WWC1: variants seen among roughly 807,000 people sequenced by gnomAD.
The protein encoded by WWC1 is protein KIBRA.
In WWC1, 55 loss-of-function variants were observed where a neutral mutation model predicts 138.4. The ratio of observed to expected loss-of-function variants is 0.40; its 90% CI spans 0.32 to 0.50. WWC1 has a LOEUF of 0.50. Ranked by LOEUF, WWC1 falls within the 20% of genes least tolerant of loss-of-function variation. The pLI, the probability that WWC1 is intolerant of heterozygous loss-of-function variation, is 0.72. For synonymous variants in WWC1, 524 were observed against 564.9 expected, an observed-to-expected ratio of 0.93 and a Z score of 1.03; for missense variants, 1,226 against 1,420.4, an observed-to-expected ratio of 0.86 and a Z score of 2.20.
intron 17 of WWC1, among the ~76,000 whole-genome samples, chr5:168,445,843 C>A (rs1024977833): frequency 2.0e-5 from 3 of 152,010 alleles, no homozygotes; most frequent in Admixed American, 1.3e-4. Flanking sequence ...ACCGAGGCTG[C>A]TTTATAGCCC....
chr5:168,419,569 G>A (rs575326383), intron 9 of WWC1, among the ~76,000 whole-genome samples: 3 of 152,212 alleles, frequency 2.0e-5, no homozygotes, highest in African/African-American at 7.2e-5. Context: ...CCTACCCCTG[G>A]GCTTTTTGAT....
chr5:168,391,530 G>A (rs1425955901), intron 3 of WWC1, among the ~76,000 whole-genome samples: 1 of 151,456 alleles, frequency 6.6e-6, no homozygotes, highest in Admixed American at 6.6e-5. Context: ...GTGGTGGTGG[G>A]TGCCTGTAGT....
chr5:168,371,248 A>G (rs1460598371), intron 1 of WWC1, among the ~76,000 whole-genome samples, 176 bp from the exon 2 acceptor site: 1 of 152,220 alleles, frequency 6.6e-6, no homozygotes, highest in Non-Finnish European at 1.5e-5. Flanking sequence ...CTGCTGCTGC[A>G]GCTATGTGTT....
At position 168,334,040 on chromosome 5, in the gene WWC1, A is replaced by G. The variant is rs563924631; in HGVS notation, c.120-37384A>G. Among the ~76,000 whole-genome samples the G allele has an allele frequency of 1.1e-4, 12 of 112,174 alleles. No homozygotes were observed. In the South Asian group the frequency reaches 4.0e-3, roughly 38 times the overall value. The allele number at this position is 112,174 out of a possible 152,430, so 73.6% of individuals were successfully genotyped here. A position where few individuals can be genotyped will look rare whatever the true frequency, so the allele number is the denominator to read the frequency against. ...AGACCAGCCTGGGCAGCTTAGCAAGACCTCATCCCTACTGAAAAAAAAAAA... is the reference window on the plus strand; with the variant it reads ...AGACCAGCCTGGGCAGCTTAGCAAGGCCTCATCCCTACTGAAAAAAAAAAA... On this transcript the variant is annotated intron_variant, in intron 1 of 22. Coordinates refer to ENST00000265293, the MANE Select transcript of WWC1 (RefSeq NM_015238.3).
intron 17 of WWC1, among the ~76,000 whole-genome samples, chr5:168,447,687 A>G (rs935010919): frequency 4.6e-5 from 7 of 151,996 alleles, no homozygotes. Flanking sequence ...TCATGTGATA[A>G]AGCAGATGGC....
At chr5:168,336,339 G>A (rs2152771663) in intron 1 of WWC1, among the ~76,000 whole-genome samples, 1 of 152,260 alleles carries the variant, frequency 6.6e-6, no homozygotes, top group Admixed American at 6.5e-5. Context: ...GGGAGGCCGA[G>A]GCGGGTGGAT....
intron 15 of WWC1, among the ~76,000 whole-genome samples, chr5:168,437,781 C>G (rs889058796): frequency 6.6e-6 from 1 of 152,144 alleles, no homozygotes; most frequent in East Asian, 1.9e-4. Context: ...AGGTGTTACA[C>G]CTCAAAGCTG....
chr5:168,419,676 A>G (rs1216727800), intron 9 of WWC1, among the ~76,000 whole-genome samples: 1 of 152,198 alleles, frequency 6.6e-6, no homozygotes, highest in Non-Finnish European at 1.5e-5. Flanking sequence ...GAGAAAGACT[A>G]GTCTAGTAGA....
chr5:168,463,805 G>A (rs1301853979), intron 20 of WWC1, among the ~76,000 whole-genome samples: 1 of 152,168 alleles, frequency 6.6e-6, no homozygotes, highest in Non-Finnish European at 1.5e-5. Context: ...AGGTTGAAAT[G>A]ATGTCATCAG....
intron 1 of WWC1, among the ~76,000 whole-genome samples, chr5:168,338,414 C>CT (rs1207733121): frequency 7.0e-4 from 94 of 135,160 alleles, no homozygotes; most frequent in African/African-American, 2.4e-3. Context: ...CCTTTTTTTT[C>CT]TTTTTTTTTG....
intron 22 of WWC1, 139 bp downstream of exon 22, chr5:168,468,103 A>AGGGATGGCTTGGCGGAGG: frequency 7.1e-7 from 1 of 1,408,252 alleles, no homozygotes; most frequent in Non-Finnish European, 9.6e-7. Context: ...ATCCTCCGCC[A>AGGGATGGCTTGGCGGAGG]AGCCATCCCT....
intron 3 of WWC1, among the ~76,000 whole-genome samples, chr5:168,390,772 G>A (rs11738934): frequency 0.79 from 120,058 of 152,222 alleles, 48,146 homozygotes; most frequent in East Asian, 1. Context: ...TGCCTTGGGG[G>A]TGGAGACTTT....
intron 19 of WWC1, 44 bp from the exon 20 acceptor site, chr5:168,460,606 T>C: frequency 6.3e-7 from 1 of 1,599,426 alleles, no homozygotes; most frequent in Non-Finnish European, 8.6e-7. Context: ...CCTTCCAGAA[T>C]GCACTCTGAC....
intron 3 of WWC1, among the ~76,000 whole-genome samples, chr5:168,396,553 C>G (rs1432464756): frequency 6.6e-6 from 1 of 152,118 alleles, no homozygotes; most frequent in African/African-American, 2.4e-5. Flanking sequence ...GCCTCCCGAC[C>G]AAGAATAACT....
intron 1 of WWC1, among the ~76,000 whole-genome samples, chr5:168,369,564 G>A (rs919303489): frequency 1.1e-4 from 17 of 152,074 alleles, no homozygotes; most frequent in African/African-American, 3.4e-4. Flanking sequence ...CACCATACCC[G>A]GCTAATTTAG....
At chr5:168,339,981 CTCTT>C (rs1468674357) in intron 1 of WWC1, among the ~76,000 whole-genome samples, 6 of 105,404 alleles carry the variant, frequency 5.7e-5, no homozygotes, top group Admixed American at 9.5e-5. Flanking sequence ...CTCTCTTTCT[CTCTT>C]TCTCTCTCTC....
chr5:168,422,202 G>A (rs927466829), intron 10 of WWC1, 105 bp downstream of exon 10: 1 of 1,124,624 alleles, frequency 8.9e-7, no homozygotes, highest in Middle Eastern at 2.9e-4. Context: ...TCCGTGGCTT[G>A]AGAGTGGATG....
In WWC1 at chr5:168,471,412, G is replaced by T. The variant is rs1379230951; in HGVS notation, c.*2395G>T. The T allele has an allele frequency of 6.6e-6, 1 of 152,288 alleles. No individual in the cohort carries two copies. Among genetic ancestry groups the T allele is most frequent in the Non-Finnish European group, 1.5e-5 (1 of 68,130 alleles). 9.4% of individuals were successfully genotyped at this position (152,288 alleles called of 1,614,324 possible). A position where few individuals can be genotyped will look rare whatever the true frequency, so the allele number is the denominator to read the frequency against. On this transcript the variant is annotated 3_prime_UTR_variant, in exon 23 of 23. Coordinates refer to ENST00000265293, the MANE Select transcript of WWC1 (RefSeq NM_015238.3). Reference sequence around the variant, plus strand: ...GGTTTACTTCGTAATGTCTTCATATGAGTATCAATCAACACCTTCCCCAAC... The same window carrying T: ...GGTTTACTTCGTAATGTCTTCATATTAGTATCAATCAACACCTTCCCCAAC...
Position 168,466,104 on chromosome 5 carries a change from A to G in WWC1, c.3150+1142A>G, listed in dbSNP as rs191362474. 3.7e-4 allele frequency among the ~76,000 whole-genome samples: 57 copies of G among 152,260 alleles called. No individual in the cohort carries two copies. In the East Asian group the frequency reaches 9.7e-3, roughly 26 times the overall value. ...GCCCAGGGTTTATCTATCTATGGCT[A>G]ACAAATGTTGGGTACAGTTTCACAG... is the stretch of plus-strand genomic sequence containing the variant. On this transcript the variant is annotated intron_variant, in intron 21 of 22. Coordinates refer to ENST00000265293, the MANE Select transcript of WWC1 (RefSeq NM_015238.3).
Sources: allele counts gnomAD v4.1 joint callset (sites outside exome capture counted in the v4.1 genomes callset), GRCh38; gene constraint gnomAD v4.1.1; transcripts MANE v1.5; gene names NCBI Gene and HGNC (gene_info 2026-07-23, HGNC 2026-07-21).